Variants in PAX2 observed in about 807,000 individuals in gnomAD.
PAX2 encodes paired box 2.
In PAX2, 9 loss-of-function variants were observed where a neutral mutation model predicts 41.7. The ratio of observed to expected loss-of-function variants is 0.22; its 90% CI spans 0.13 to 0.38. The LOEUF is 0.38. PAX2 is among the 10% of genes least tolerant of loss of function. The pLI is 1.00. For missense variants in PAX2, 418 were observed against 531.6 expected, an observed-to-expected ratio of 0.79 and a Z score of 2.10; for synonymous variants, 221 against 212.7, an observed-to-expected ratio of 1.04 and a Z score of -0.34.
chr10:100,806,352 C>G, intron 5 of PAX2, 78 bp from the exon 6 acceptor site: 1 of 1,477,950 alleles, frequency 6.8e-7, no homozygotes, highest in South Asian at 1.1e-5. Flanking sequence ...GAACCAGATG[C>G]CCACCTCTTT....
At chr10:100,774,638 G>A (rs1217741532) in intron 3 of PAX2, among the ~76,000 whole-genome samples, 1 of 152,000 alleles carries the variant, frequency 6.6e-6, no homozygotes, top group Non-Finnish European at 1.5e-5. Flanking sequence ...AATAATACTG[G>A]TCATCATTGT....
chr10:100,749,413 C>T (rs1589811409), intron 1 of PAX2: 1 of 1,157,878 alleles, frequency 8.6e-7, no homozygotes, highest in African/African-American at 1.6e-5. Flanking sequence ...TTCTTACGCC[C>T]TTTCCGCTGG....
intron 5 of PAX2, among the ~76,000 whole-genome samples, chr10:100,784,013 C>T (rs535911956): frequency 6.6e-6 from 1 of 152,266 alleles, no homozygotes; most frequent in South Asian, 2.1e-4. Flanking sequence ...CCCTGACCTC[C>T]CCCTCCAATC....
chr10:100,813,810 G>A (rs1848086935), intron 7 of PAX2, among the ~76,000 whole-genome samples: 1 of 152,118 alleles, frequency 6.6e-6, no homozygotes, highest in Admixed American at 6.5e-5. Context: ...CAGGAGCAAT[G>A]ACAAACCTTC....
intron 1 of PAX2, chr10:100,749,176 T>G: frequency 1.0e-6 from 1 of 986,210 alleles, no homozygotes; most frequent in Non-Finnish European, 1.2e-6. Context: ...GATTACAATT[T>G]AATACTTTTT....
chr10:100,784,767 G>A (rs1846781537), intron 5 of PAX2, among the ~76,000 whole-genome samples: 2 of 152,264 alleles, frequency 1.3e-5, no homozygotes, highest in Middle Eastern at 6.8e-3. Context: ...ATTTCCCTGG[G>A]GATATTAGGA....
chr10:100,780,011 A>T (rs567277236), intron 4 of PAX2, among the ~76,000 whole-genome samples: 7 of 150,440 alleles, frequency 4.7e-5, no homozygotes, highest in Non-Finnish European at 8.9e-5. Context: ...TTAACATTCC[A>T]TCTTGTTCTT....
chr10:100,812,219 C>A (rs758060389), intron 7 of PAX2, among the ~76,000 whole-genome samples: 37 of 152,160 alleles, frequency 2.4e-4, no homozygotes, highest in African/African-American at 8.9e-4. Flanking sequence ...CAAGTTCTGC[C>A]GAGATTTTAA....
intron 5 of PAX2, among the ~76,000 whole-genome samples, chr10:100,787,798 A>G (rs11814593): frequency 0.019 from 2,889 of 152,044 alleles, 92 homozygotes; most frequent in African/African-American, 0.062. Context: ...TTGTTTGAGA[A>G]AGGTGTGAGG....
chr10:100,829,740 C>T lies in PAX2; in HGVS notation c.*2121C>T. On this transcript the variant is annotated 3_prime_UTR_variant, in exon 10 of 10. Coordinates refer to ENST00000355243, the MANE Select transcript of PAX2 (RefSeq NM_000278.5). ...GGGGCGGCGAGGGCGGCGAGGGCGC[C>T]GAGGTCCGGCCCATCCCAGTCCTGT... 1 of 203,510 alleles carries T rather than the reference C, an allele frequency of 4.9e-6. No individual in the cohort carries two copies. The highest frequency in any genetic ancestry group is 1.0e-5 in the Non-Finnish European group (1 of 98,530). The allele number at this position is 203,510 out of a possible 1,614,324, so 12.6% of individuals were successfully genotyped here.
intron 5 of PAX2, among the ~76,000 whole-genome samples, chr10:100,787,468 G>A (rs771229562): frequency 6.6e-6 from 1 of 152,120 alleles, no homozygotes; most frequent in Non-Finnish European, 1.5e-5. Flanking sequence ...GGCCGGATAA[G>A]GCAGAGATGG....
At chr10:100,790,619 T>G (rs572411847) in intron 5 of PAX2, among the ~76,000 whole-genome samples, 1 of 152,294 alleles carries the variant, frequency 6.6e-6, no homozygotes, top group East Asian at 1.9e-4. Context: ...CCTCTTCCTC[T>G]GCAGACAAGC....
Position 100,750,604 on chromosome 10 carries a change from A to G in PAX2, c.213-90A>G. Reference sequence around the variant, plus strand: ...CTCCACTCCGCTGCCTCGGCCGGGCAGGAGAGTGGCTCAGCAGCTCTGGAA... The same window carrying G: ...CTCCACTCCGCTGCCTCGGCCGGGCGGGAGAGTGGCTCAGCAGCTCTGGAA... On this transcript the variant is annotated intron_variant, in intron 2 of 9. Transcript: ENST00000355243. The surrounding 1 kb of genome is among the most constrained non-coding windows in gnomAD (Gnocchi z 4.1). The G allele has an allele frequency of 8.6e-7, 1 of 1,162,696 alleles. No individual in the cohort carries two copies. The highest frequency in any genetic ancestry group is 1.3e-6 in the Non-Finnish European group (1 of 790,066). The allele number at this position is 1,162,696 out of a possible 1,614,324, so 72.0% of individuals were successfully genotyped here. A position where few individuals can be genotyped will look rare whatever the true frequency, so the allele number is the denominator to read the frequency against.
At chr10:100,769,673 A>AT (rs1554858838) in intron 3 of PAX2, among the ~76,000 whole-genome samples, 56 of 127,768 alleles carry the variant, frequency 4.4e-4, no homozygotes, top group Non-Finnish European at 5.7e-4. Flanking sequence ...ATAAAATAAA[A>AT]AAATAAAAAA....
At chr10:100,772,249 G>A (rs1019089087) in intron 3 of PAX2, among the ~76,000 whole-genome samples, 6 of 151,924 alleles carry the variant, frequency 3.9e-5, no homozygotes, top group Non-Finnish European at 8.8e-5. Context: ...GCAATCGTGG[G>A]TTTGAGAGAT....
chr10:100,745,231 T>C (rs1845105774), upstream of PAX2, among the ~76,000 whole-genome samples: 1 of 152,212 alleles, frequency 6.6e-6, no homozygotes, highest in African/African-American at 2.4e-5. Flanking sequence ...TCTTTATCCT[T>C]ATCTAGCGTT....
chr10:100,820,646 G>A (rs1005674073), intron 7 of PAX2, among the ~76,000 whole-genome samples: 8 of 152,272 alleles, frequency 5.3e-5, no homozygotes, highest in Middle Eastern at 3.4e-3. Flanking sequence ...CCCAGGAGGC[G>A]GAGGTTGCAG....
chr10:100,749,602 A>G, intron 1 of PAX2, 144 bp from the exon 2 acceptor site: 1 of 1,437,830 alleles, frequency 7.0e-7, no homozygotes, highest in Non-Finnish European at 9.1e-7. Flanking sequence ...GTGGTCGTGG[A>G]GGTCCACCAC....
intron 5 of PAX2, among the ~76,000 whole-genome samples, chr10:100,792,806 TAC>T (rs1420501391): frequency 1.3e-5 from 2 of 151,520 alleles, no homozygotes; most frequent in East Asian, 3.9e-4. Flanking sequence ...AAAGCCTTGC[TAC>T]ACACACAAAA....
Sources: allele counts gnomAD v4.1 joint callset (sites outside exome capture counted in the v4.1 genomes callset), GRCh38; gene constraint gnomAD v4.1.1; non-coding constraint Gnocchi (gnomAD v3.1); transcripts MANE v1.5; gene names NCBI Gene and HGNC (gene_info 2026-07-23, HGNC 2026-07-21).